The following IMMP2L variants were observed in gnomAD, a reference collection of about 807,000 sequenced individuals.
IMMP2L encodes mitochondrial inner membrane protease subunit 2.
A neutral mutation model predicts 19.3 loss-of-function variants in IMMP2L; 18 were observed. That is an observed-to-expected ratio of 0.93 (90% CI 0.64 to 1.38). IMMP2L has a LOEUF of 1.38. IMMP2L is among the 40% of genes most tolerant of loss of function. The pLI, the probability that IMMP2L is intolerant of heterozygous loss-of-function variation, is 0.00. For synonymous variants in IMMP2L, 76 were observed against 73.0 expected (o/e 1.04, Z -0.21); for missense variants, 233 against 218.2 (o/e 1.07, Z -0.43).
intron 3 of IMMP2L, among the ~76,000 whole-genome samples, chr7:111,120,790 C>G (rs1416403179): frequency 6.6e-6 from 1 of 152,076 alleles, no homozygotes; most frequent in African/African-American, 2.4e-5. Flanking sequence ...ACAGCTAATA[C>G]CACTACATCT....
At chr7:110,680,512 A>C (rs1348147489) in intron 5 of IMMP2L, among the ~76,000 whole-genome samples, 1 of 152,128 alleles carries the variant, frequency 6.6e-6, no homozygotes, top group East Asian at 1.9e-4. Flanking sequence ...AGTGGTCTAA[A>C]CCCGAGAAAA....
intron 5 of IMMP2L, among the ~76,000 whole-genome samples, chr7:110,669,406 G>C (rs1361966963): frequency 1.3e-5 from 2 of 152,118 alleles, no homozygotes; most frequent in Non-Finnish European, 2.9e-5. Flanking sequence ...ATTACAGACA[G>C]TAATCTGCTT....
chr7:111,031,933 GA>G (rs1790868470), intron 3 of IMMP2L, among the ~76,000 whole-genome samples: 1 of 87,178 alleles, frequency 1.1e-5, no homozygotes, highest in South Asian at 4.4e-4. Flanking sequence ...AAACACCAGA[GA>G]TTTTTTTTTT....
intron 5 of IMMP2L, among the ~76,000 whole-genome samples, chr7:110,779,533 G>C (rs183323002): frequency 7.5e-4 from 114 of 151,960 alleles, no homozygotes; most frequent in Non-Finnish European, 1.3e-3. Flanking sequence ...TTGGTGATGT[G>C]CTACTGTGTG....
intron 3 of IMMP2L, among the ~76,000 whole-genome samples, chr7:111,342,767 A>T (rs1291029919): frequency 6.6e-6 from 1 of 152,092 alleles, no homozygotes; most frequent in African/African-American, 2.4e-5. Context: ...AAATATGTCA[A>T]CTTTCACTGT....
intron 3 of IMMP2L, among the ~76,000 whole-genome samples, chr7:111,028,934 T>G (rs2129568367): frequency 1.3e-5 from 2 of 152,266 alleles, no homozygotes; most frequent in South Asian, 4.1e-4. Flanking sequence ...ACCTCCCTTT[T>G]AAGAAAATCA....
chr7:111,263,339 A>G (rs1392433752), intron 3 of IMMP2L, among the ~76,000 whole-genome samples: 2 of 152,124 alleles, frequency 1.3e-5, no homozygotes. Flanking sequence ...ATTTCCCAAC[A>G]GATTGGATAT....
chr7:110,883,607 A>C (rs1809912717), intron 5 of IMMP2L, among the ~76,000 whole-genome samples: 1 of 152,176 alleles, frequency 6.6e-6, no homozygotes, highest in Non-Finnish European at 1.5e-5. Context: ...ACAAGGTCAC[A>C]CTATGATCAC....
chr7:111,174,079 A>C (rs1806762100), intron 3 of IMMP2L, among the ~76,000 whole-genome samples: 1 of 151,762 alleles, frequency 6.6e-6, no homozygotes, highest in African/African-American at 2.4e-5. Context: ...ATCATAAAGA[A>C]AAATTATACA....
At chr7:111,448,748 C>CA (rs1424848291) in intron 3 of IMMP2L, among the ~76,000 whole-genome samples, 2 of 107,806 alleles carry the variant, frequency 1.9e-5, no homozygotes, top group African/African-American at 7.3e-5. Context: ...AAAAACCCTT[C>CA]AAAAAATCAA....
chr7:111,395,682 C>T (rs1832794434), intron 3 of IMMP2L, among the ~76,000 whole-genome samples: 1 of 152,108 alleles, frequency 6.6e-6, no homozygotes, highest in Non-Finnish European at 1.5e-5. Flanking sequence ...AATTTAATCT[C>T]TATTGTACTA....
At chr7:111,487,836 A>G (rs993274960) in intron 2 of IMMP2L, among the ~76,000 whole-genome samples, 3 of 152,174 alleles carry the variant, frequency 2.0e-5, no homozygotes, top group Non-Finnish European at 4.4e-5. Flanking sequence ...CCATTATAAA[A>G]TGTATGGATT....
At chr7:110,713,910 A>T (rs1411534283) in intron 5 of IMMP2L, among the ~76,000 whole-genome samples, 1 of 152,008 alleles carries the variant, frequency 6.6e-6, no homozygotes, top group African/African-American at 2.4e-5. Context: ...ATTTTGGATG[A>T]CTTTTATTTC....
chr7:111,042,113 C>G (rs572593733), intron 3 of IMMP2L, among the ~76,000 whole-genome samples: 84 of 152,172 alleles, frequency 5.5e-4, no homozygotes, highest in African/African-American at 2.0e-3. Context: ...CTTATAATCC[C>G]CCTTATGCAC....
intron 3 of IMMP2L, among the ~76,000 whole-genome samples, chr7:111,274,416 A>G (rs1425499766): frequency 6.6e-6 from 1 of 152,102 alleles, no homozygotes; most frequent in Non-Finnish European, 1.5e-5. Flanking sequence ...ATTGCCAGTA[A>G]TTTGGGCTGA....
chr7:110,882,326 TTCCTTCCTTC>T (rs1563050804), intron 5 of IMMP2L, among the ~76,000 whole-genome samples: 1 of 105,698 alleles, frequency 9.5e-6, no homozygotes, highest in African/African-American at 3.0e-5. Context: ...CCTTCCTTCC[TTCCTTCCTTC>T]CTTCCCTCCT....
chr7:110,816,716 T>C (rs1198513274), intron 5 of IMMP2L, among the ~76,000 whole-genome samples: 3 of 150,776 alleles, frequency 2.0e-5, no homozygotes, highest in East Asian at 2.0e-4. Flanking sequence ...TTTACCATTA[T>C]GTAATGGCCT....
At chr7:111,090,273 T>C (rs1796721071) in intron 3 of IMMP2L, among the ~76,000 whole-genome samples, 1 of 152,184 alleles carries the variant, frequency 6.6e-6, no homozygotes, top group Admixed American at 6.5e-5. Context: ...TAGTATATTT[T>C]CCTGGGAAAT....
chr7:110,851,060 A>C (rs1041724407), intron 5 of IMMP2L, among the ~76,000 whole-genome samples: 3 of 152,244 alleles, frequency 2.0e-5, no homozygotes, highest in African/African-American at 4.8e-5. Flanking sequence ...AGTAATTAGG[A>C]CGTTGATTAA....
Sources: allele counts gnomAD v4.1 joint callset (sites outside exome capture counted in the v4.1 genomes callset), GRCh38; gene constraint gnomAD v4.1.1; transcripts MANE v1.5; gene names NCBI Gene and HGNC (gene_info 2026-07-23, HGNC 2026-07-21).